The following ITGA1 variants were observed in gnomAD, a reference collection of about 807,000 sequenced individuals.
ITGA1 encodes the protein integrin subunit alpha 1, also known as integrin alpha-1.
A neutral mutation model predicts 145.9 loss-of-function variants in ITGA1; 85 were observed. That is an observed-to-expected ratio of 0.58 (90% CI 0.49 to 0.70). The LOEUF (loss-of-function observed/expected upper bound fraction) is 0.70. ITGA1 is among the 30% of genes least tolerant of loss of function. The probability of loss-of-function intolerance (pLI) is 0.00; values close to 1 mark genes in which losing one functional copy is unlikely to be tolerated. For synonymous variants in ITGA1, 520 were observed against 495.3 expected (o/e 1.05, Z -0.66); for missense variants, 1,351 against 1,418.7 (o/e 0.95, Z 0.77).
Position 52,925,410 on chromosome 5 carries a change from A to G in ITGA1, c.2536A>G (p.Lys846Glu). ...TAAGTTCAACGTTAGCCTCACAGTC[A>G]AAAATACAAAGGACAGTGCCTATAA... ...NDKFNVSLTV[K>E]NTKDSAYNTR... The change falls in exon 19 of 29, where the codon AAA (lysine) becomes GAA (glutamate). Residue 846 changes from lysine to glutamate, a missense_variant. By Grantham distance (56) the Lys-to-Glu change is moderately conservative. Coordinates refer to ENST00000282588, the MANE Select transcript of ITGA1 (RefSeq NM_181501.2). 1 of 1,614,072 alleles carries G rather than the reference A, an allele frequency of 6.2e-7. No individual in the cohort carries two copies. Among genetic ancestry groups the G allele is most frequent in the Non-Finnish European group, 8.5e-7 (1 of 1,179,902 alleles).
chr5:52,804,371 C>T (rs948003359), intron 1 of ITGA1, among the ~76,000 whole-genome samples: 6 of 152,132 alleles, frequency 3.9e-5, no homozygotes, highest in African/African-American at 1.2e-4. Flanking sequence ...GCTATAGCTA[C>T]GATACATATC....
chr5:52,853,058 G>T lies in ITGA1; in HGVS notation c.182+3573G>T, dbSNP rs140478632. 8.6e-3 allele frequency among the ~76,000 whole-genome samples: 1,308 copies of T among 152,252 alleles called. 9 individuals carry two copies. Among genetic ancestry groups the T allele is most frequent in the Non-Finnish European group, 0.014 (929 of 68,022 alleles). On this transcript the variant is annotated intron_variant, in intron 2 of 28. Coordinates refer to ENST00000282588, the MANE Select transcript of ITGA1 (RefSeq NM_181501.2). ...TACCAGACTTTACATATTAATATGT[G>T]TGTAAGTTTGTAAGCATTTGAATGT...
chr5:52,908,788 T>G, intron 12 of ITGA1, 110 bp from the exon 13 acceptor site: 1 of 1,168,094 alleles, frequency 8.6e-7, no homozygotes, highest in East Asian at 2.4e-5. Flanking sequence ...TCATTTCCTT[T>G]GCCAACTAGC....
intron 2 of ITGA1, among the ~76,000 whole-genome samples, chr5:52,856,717 C>T (rs10078154): frequency 1 from 151,866 of 152,108 alleles, 75,815 homozygotes; most frequent in Middle Eastern, 1. Context: ...AGAGAGAAGC[C>T]ACTAGGTCAA....
At chr5:52,826,527 T>C (rs1279251461) in intron 1 of ITGA1, among the ~76,000 whole-genome samples, 1 of 152,264 alleles carries the variant, frequency 6.6e-6, no homozygotes, top group East Asian at 1.9e-4. Context: ...AACAGCCTTC[T>C]AGTGCAAGAA....
intron 1 of ITGA1, among the ~76,000 whole-genome samples, chr5:52,848,886 G>A (rs1749380913): frequency 6.6e-6 from 1 of 152,092 alleles, no homozygotes; most frequent in African/African-American, 2.4e-5. Flanking sequence ...CTTCATCCAT[G>A]TCCCTACAAA....
intron 6 of ITGA1, among the ~76,000 whole-genome samples, chr5:52,881,357 A>G (rs1749954857): frequency 6.6e-6 from 1 of 152,060 alleles, no homozygotes; most frequent in African/African-American, 2.4e-5. Flanking sequence ...CCCTGTATGG[A>G]CGCTCTGCCC....
Position 52,946,931 on chromosome 5 carries a change from G to C in ITGA1, c.3379-414G>C, listed in dbSNP as rs558345699. Among the ~76,000 whole-genome samples, 4 of 152,220 alleles carry C rather than the reference G, an allele frequency of 2.6e-5. No individual in the cohort carries two copies. In the East Asian group the frequency reaches 7.7e-4, roughly 29 times the overall value. ...TTATGCACACTAGAAATAAAATAAG[G>C]AGACTTTCTCAGGTTCTTATGACAA... On this transcript the variant is annotated intron_variant, in intron 27 of 28. Transcript: ENST00000282588.
rs1580029002 is a variant in ITGA1, at chr5:52,801,183, A to G, written c.61+12769A>G. On this transcript the variant is annotated intron_variant, in intron 1 of 28. Transcript: ENST00000282588. ...AGAGGGATTGGTATAAACTACTCCT[A>G]AAGTTTTAGAACTGGGAAAAATAAG... is the stretch of plus-strand genomic sequence containing the variant. The G allele has an allele frequency of 5.5e-6, 8 of 1,448,062 alleles. No individual in the cohort carries two copies. The East Asian group carries it at 1.4e-4, about 25-fold the overall frequency. 89.7% of individuals were successfully genotyped at this position (1,448,062 alleles called of 1,614,324 possible).
At chr5:52,934,922 A>T (rs1214254386) in intron 23 of ITGA1, among the ~76,000 whole-genome samples, 1 of 151,948 alleles carries the variant, frequency 6.6e-6, no homozygotes, top group Non-Finnish European at 1.5e-5. Flanking sequence ...CCTGGAAATT[A>T]GCATAAATGC....
chr5:52,931,831 C>T, intron 21 of ITGA1: 3 of 404,068 alleles, frequency 7.4e-6, no homozygotes, highest in South Asian at 6.1e-5. Context: ...GTGTGATTGT[C>T]AAGTCTAGTC....
At chr5:52,842,213 C>T (rs1242127489) in intron 1 of ITGA1, among the ~76,000 whole-genome samples, 1 of 152,102 alleles carries the variant, frequency 6.6e-6, no homozygotes, top group Non-Finnish European at 1.5e-5. Context: ...TTTTGAGCAA[C>T]TGAGATGAGA....
chr5:52,890,302 A>G (rs1750125930), intron 8 of ITGA1, among the ~76,000 whole-genome samples: 1 of 152,238 alleles, frequency 6.6e-6, no homozygotes, highest in African/African-American at 2.4e-5. Context: ...TAACATTTTA[A>G]AAAGAGTGTA....
intron 1 of ITGA1, among the ~76,000 whole-genome samples, chr5:52,838,392 T>C (rs1749197085): frequency 1.3e-5 from 2 of 151,970 alleles, no homozygotes; most frequent in Admixed American, 1.3e-4. Flanking sequence ...TTTTAATAGG[T>C]TTTTGGTTTT....
chr5:52,920,199 T>C (rs1750710070), intron 16 of ITGA1, 133 bp from the exon 17 acceptor site: 4 of 646,188 alleles, frequency 6.2e-6, no homozygotes, highest in Admixed American at 3.4e-5. Context: ...ACAGTGTGGA[T>C]ATGCTGAACA....
chr5:52,827,663 A>G (rs1404009214), intron 1 of ITGA1, among the ~76,000 whole-genome samples: 1 of 152,200 alleles, frequency 6.6e-6, no homozygotes, highest in Non-Finnish European at 1.5e-5. Flanking sequence ...AGAAATTGCC[A>G]GAGCCACTGC....
At chr5:52,789,987 T>C (rs1375793561) in intron 1 of ITGA1, among the ~76,000 whole-genome samples, 2 of 152,220 alleles carry the variant, frequency 1.3e-5, no homozygotes, top group Non-Finnish European at 2.9e-5. Context: ...TTGTGTGCAC[T>C]ATATTTATGC....
chr5:52,944,999 ATC>A lies in ITGA1; in HGVS notation c.3346_3347del (p.Leu1116GlyfsTer4). On this transcript the variant is annotated frameshift_variant, in exon 27 of 29. Coordinates refer to ENST00000282588, the MANE Select transcript of ITGA1 (RefSeq NM_181501.2). LOFTEE classifies it high-confidence loss of function. ...IRGELRSENA[S>X]LVLSSSNQKR... ...GGGGAGAACTTCGGAGTGAAAATGC[ATC>A]TCTGGTTTTAAGTAGCAGCAATCAA... The A allele has an allele frequency of 6.2e-7, 1 of 1,613,462 alleles. No individual in the cohort carries two copies. Among genetic ancestry groups the A allele is most frequent in the Non-Finnish European group, 8.5e-7 (1 of 1,179,728 alleles).
intron 1 of ITGA1, among the ~76,000 whole-genome samples, chr5:52,808,062 C>T (rs964171798): frequency 6.6e-6 from 1 of 152,160 alleles, no homozygotes; most frequent in African/African-American, 2.4e-5. Context: ...GGAGTGGATT[C>T]TGAAACACTG....
Sources: gnomAD v4.1 joint callset for allele counts (sites outside exome capture counted in the v4.1 genomes callset) on GRCh38, gnomAD v4.1.1 for gene constraint, MANE v1.5 for transcripts, NCBI Gene and HGNC (gene_info 2026-07-23, HGNC 2026-07-21) for gene names.